The following HMCN1 variants were observed in gnomAD, a reference collection of about 807,000 sequenced individuals.
HMCN1 encodes the protein hemicentin 1.
In HMCN1, 321 loss-of-function variants were observed where a neutral mutation model predicts 625.9. The observed-to-expected ratio is 0.51, with a 90% CI of 0.47 to 0.56. The LOEUF is 0.56. Among genes scored for constraint, HMCN1 ranks in the 20% least tolerant of loss-of-function variants. The probability of loss-of-function intolerance (pLI) is 0.00; values close to 1 mark genes in which losing one functional copy is unlikely to be tolerated. For synonymous variants in HMCN1, 2,425 were observed against 2,417.6 expected (o/e 1.00, Z -0.09); for missense variants, 6,588 against 6,887.3 (o/e 0.96, Z 1.54).
intron 1 of HMCN1, among the ~76,000 whole-genome samples, chr1:185,786,420 C>T (rs2102188891): frequency 6.6e-6 from 1 of 152,182 alleles, no homozygotes; most frequent in South Asian, 2.1e-4. Context: ...AATAAGAAAC[C>T]TGATTTTGTT....
At chr1:186,165,453 A>G (rs139562288) in intron 98 of HMCN1, among the ~76,000 whole-genome samples, 60 of 152,340 alleles carry the variant, frequency 3.9e-4, no homozygotes, top group African/African-American at 1.3e-3. Flanking sequence ...GTGACTAAGT[A>G]TAGATGTGGA....
At chr1:186,178,315 A>G (rs1652723971) in intron 103 of HMCN1, 101 bp from the exon 104 acceptor site, 8 of 871,338 alleles carry the variant, frequency 9.2e-6, no homozygotes, top group Admixed American at 3.9e-5. Flanking sequence ...GAGGGTAACA[A>G]TGTCTTCAGT....
intron 54 of HMCN1, among the ~76,000 whole-genome samples, chr1:186,076,879 C>G (rs1375194385): frequency 6.6e-6 from 1 of 152,138 alleles, no homozygotes; most frequent in African/African-American, 2.4e-5. Context: ...CTTTGGCTTC[C>G]TTGTGCCTCC....
At chr1:185,904,998 T>C (rs1425119674) in intron 4 of HMCN1, among the ~76,000 whole-genome samples, 3 of 151,768 alleles carry the variant, frequency 2.0e-5, no homozygotes, top group Non-Finnish European at 1.5e-5. Context: ...TTCTGTGAAA[T>C]TTTCCTTTGC....
At chr1:185,995,806 C>T (rs1652746098) in intron 24 of HMCN1, among the ~76,000 whole-genome samples, 2 of 151,978 alleles carry the variant, frequency 1.3e-5, no homozygotes, top group Non-Finnish European at 2.9e-5. Flanking sequence ...TGGAAAGAAC[C>T]GGCCACATGA....
At chr1:186,158,094 C>A (rs1428444013) in intron 97 of HMCN1, among the ~76,000 whole-genome samples, 2 of 147,832 alleles carry the variant, frequency 1.4e-5, no homozygotes, top group Admixed American at 6.7e-5. Context: ...ACATCCTCTC[C>A]AGCACCTGTT....
chr1:185,829,127 TTACTA>T (rs1363009222), intron 1 of HMCN1, among the ~76,000 whole-genome samples: 42 of 152,210 alleles, frequency 2.8e-4, no homozygotes, highest in African/African-American at 1.0e-3. Flanking sequence ...AAGATTTTGT[TTACTA>T]AACTCAAGGT....
chr1:186,035,593 AC>A (rs1655766884), intron 36 of HMCN1, among the ~76,000 whole-genome samples: 1 of 151,996 alleles, frequency 6.6e-6, no homozygotes, highest in East Asian at 1.9e-4. Flanking sequence ...TGCTTTAGTG[AC>A]ATTCTATAGG....
chr1:185,801,051 C>A (rs1439143858), intron 1 of HMCN1, among the ~76,000 whole-genome samples: 3 of 152,108 alleles, frequency 2.0e-5, no homozygotes, highest in Admixed American at 2.0e-4. Flanking sequence ...TGACAATGAA[C>A]AAGCACAGTG....
chr1:185,751,283 G>A (rs1212342241), intron 1 of HMCN1, among the ~76,000 whole-genome samples: 1 of 152,196 alleles, frequency 6.6e-6, no homozygotes, highest in East Asian at 1.9e-4. Flanking sequence ...TAGTAGTTTA[G>A]TTAAGTATAA....
chr1:185,962,411 G>C, intron 11 of HMCN1, 107 bp from the exon 12 acceptor site: 1 of 863,508 alleles, frequency 1.2e-6, no homozygotes, highest in Non-Finnish European at 2.0e-6. Flanking sequence ...CATAGAGGAA[G>C]GCAATAAAGA....
intron 1 of HMCN1, among the ~76,000 whole-genome samples, chr1:185,827,289 G>C (rs1235515989): frequency 1.3e-5 from 2 of 151,804 alleles, no homozygotes; most frequent in East Asian, 3.8e-4. Context: ...CCATGAAAGA[G>C]ATGAAAATTG....
At chr1:186,147,807 T>C (rs1650415808) in intron 93 of HMCN1, among the ~76,000 whole-genome samples, 1 of 152,238 alleles carries the variant, frequency 6.6e-6, no homozygotes, top group Non-Finnish European at 1.5e-5. Context: ...CTAATGATTA[T>C]CTGAGCCTTC....
intron 64 of HMCN1, among the ~76,000 whole-genome samples, chr1:186,092,410 A>G (rs1224760935): frequency 6.6e-6 from 1 of 151,972 alleles, no homozygotes; most frequent in East Asian, 1.9e-4. Flanking sequence ...ATAACAAGAT[A>G]TAATAGAAAT....
intron 11 of HMCN1, among the ~76,000 whole-genome samples, chr1:185,953,543 G>A (rs1202777552): frequency 6.6e-6 from 1 of 151,896 alleles, no homozygotes; most frequent in Non-Finnish European, 1.5e-5. Context: ...TTGAAGTGTG[G>A]CGCCAAGATT....
intron 11 of HMCN1, among the ~76,000 whole-genome samples, chr1:185,950,759 A>G (rs1668611870): frequency 6.6e-6 from 1 of 151,920 alleles, no homozygotes; most frequent in South Asian, 2.1e-4. Context: ...GGTGCAAAGG[A>G]ATAGTAAAGA....
At chr1:185,883,473 A>G (rs1664435802) in intron 4 of HMCN1, among the ~76,000 whole-genome samples, 1 of 151,910 alleles carries the variant, frequency 6.6e-6, no homozygotes, top group African/African-American at 2.4e-5. Flanking sequence ...TGATTGGTTT[A>G]GTCTTTTAAA....
rs138776748 is a variant in HMCN1, at chr1:186,145,877, C to T, written c.14562C>T (p.Pro4854=). 2.1e-4 allele frequency: 339 copies of T among 1,613,998 alleles called. 1 individual carries two copies. The Admixed American group carries it at 2.5e-3, about 12-fold the overall frequency. Residue 4854 remains proline, a synonymous_variant, in exon 93 of 107, where the codon CCC becomes CCT. Transcript: ENST00000271588. ...PVPVKGGRPC[P]GDTTQVTRCN... ...CAGTTAAAGGTGGCCGTCCCTGTCCCGGAGACACTACTCAGGTGACCAGGT... is the reference window on the plus strand; with the variant it reads ...CAGTTAAAGGTGGCCGTCCCTGTCCTGGAGACACTACTCAGGTGACCAGGT...
intron 4 of HMCN1, among the ~76,000 whole-genome samples, chr1:185,902,419 CTATCTA>C (rs1558053136): frequency 4.9e-4 from 66 of 135,142 alleles, no homozygotes; most frequent in African/African-American, 2.3e-3. Context: ...ATCTATCTAT[CTATCTA>C]TCTATCTATC....
Sources: gnomAD v4.1 joint callset for allele counts (sites outside exome capture counted in the v4.1 genomes callset) on GRCh38, gnomAD v4.1.1 for gene constraint, MANE v1.5 for transcripts, NCBI Gene and HGNC (gene_info 2026-07-23, HGNC 2026-07-21) for gene names.